Variants in GALNT13 observed in about 807,000 individuals in gnomAD.
GALNT13 encodes UDP-GalNAc:polypeptide N-acetylgalactosaminyltransferase 13.
In GALNT13, 28 loss-of-function variants were observed where a neutral mutation model predicts 64.2. That is an observed-to-expected ratio of 0.44 (90% CI 0.32 to 0.60). GALNT13 has a LOEUF of 0.60. GALNT13 is among the 20% of genes least tolerant of loss of function. The pLI, the probability that GALNT13 is intolerant of heterozygous loss-of-function variation, is 0.05. For synonymous variants in GALNT13, 214 were observed against 224.6 expected (o/e 0.95, Z 0.42); for missense variants, 577 against 669.8 (o/e 0.86, Z 1.53).
At chr2:153,145,453 C>T in the GALNT13 span, among the ~76,000 whole-genome samples, 1 of 152,078 alleles carries the variant, frequency 6.6e-6, no homozygotes, top group East Asian at 1.9e-4. Context: ...AGTTGGATTT[C>T]ATTTCAAAGG....
At chr2:153,705,861 A>G in the GALNT13 span, among the ~76,000 whole-genome samples, 1 of 152,208 alleles carries the variant, frequency 6.6e-6, no homozygotes, top group Non-Finnish European at 1.5e-5. Context: ...TATGCAGGTA[A>G]CAATAGCAGG....
At chr2:154,087,704 A>G (rs1224750119) in intron 3 of GALNT13, among the ~76,000 whole-genome samples, 8 of 152,102 alleles carry the variant, frequency 5.3e-5, no homozygotes, top group African/African-American at 2.4e-5. Flanking sequence ...CATTCAAGCA[A>G]TGATGTCATT....
the GALNT13 span, among the ~76,000 whole-genome samples, chr2:153,393,306 G>A: frequency 3.3e-5 from 5 of 150,322 alleles, no homozygotes; most frequent in Non-Finnish European, 7.4e-5. Context: ...TAGATGCCAT[G>A]GCAAAACAGC....
At chr2:154,310,249 G>A (rs760104345) in intron 9 of GALNT13, among the ~76,000 whole-genome samples, 73 of 152,038 alleles carry the variant, frequency 4.8e-4, no homozygotes, top group Non-Finnish European at 1.0e-3. Flanking sequence ...GTGAATAAAA[G>A]GACTATATCT....
At chr2:153,477,503 C>G in the GALNT13 span, 1 of 152,444 alleles carries the variant, frequency 6.6e-6, no homozygotes, top group Non-Finnish European at 1.5e-5. Context: ...GAACGCTAGA[C>G]GCCTCCCAAA....
intron 9 of GALNT13, among the ~76,000 whole-genome samples, chr2:154,313,807 G>A (rs912649641): frequency 6.6e-6 from 1 of 152,000 alleles, no homozygotes; most frequent in African/African-American, 2.4e-5. Context: ...CAGATACCAT[G>A]ATCATTTATA....
the GALNT13 span, among the ~76,000 whole-genome samples, chr2:153,731,215 A>C: frequency 6.6e-6 from 1 of 151,858 alleles, no homozygotes; most frequent in Admixed American, 6.6e-5. Context: ...AGCAACATGG[A>C]TGAAACTGGA....
At chr2:154,265,013 T>G (rs776218478) in intron 8 of GALNT13, among the ~76,000 whole-genome samples, 197 of 151,012 alleles carry the variant, frequency 1.3e-3, no homozygotes, top group Middle Eastern at 3.2e-3. Flanking sequence ...AAACCAAAAT[T>G]TGTTTCCTTG....
intron 4 of GALNT13, among the ~76,000 whole-genome samples, chr2:154,145,082 ATCTATCTATCTATCTATC>A (rs1558984479): frequency 2.8e-5 from 3 of 105,342 alleles, no homozygotes; most frequent in African/African-American, 9.2e-5. Context: ...CTATCTATCT[ATCTATCTATCTATCTATC>A]TATATATATA....
the GALNT13 span, among the ~76,000 whole-genome samples, chr2:153,093,043 G>A: frequency 6.7e-6 from 1 of 148,358 alleles, no homozygotes; most frequent in Non-Finnish European, 1.5e-5. Context: ...AGTTTTTGAG[G>A]TTTTTTTTTT....
intron 4 of GALNT13, chr2:154,236,118 T>A: frequency 8.8e-7 from 1 of 1,139,778 alleles, no homozygotes; most frequent in Admixed American, 3.7e-5. Flanking sequence ...TGGAGAAGAC[T>A]TTCTGACTTT....
intron 9 of GALNT13, among the ~76,000 whole-genome samples, chr2:154,391,327 A>G (rs1175195695): frequency 6.6e-6 from 1 of 152,214 alleles, no homozygotes; most frequent in Non-Finnish European, 1.5e-5. Flanking sequence ...TAAGGAATTG[A>G]AATAGAATGC....
At chr2:154,334,721 A>C (rs940264885) in intron 9 of GALNT13, among the ~76,000 whole-genome samples, 1 of 151,988 alleles carries the variant, frequency 6.6e-6, no homozygotes, top group African/African-American at 2.4e-5. Context: ...GGTTTGGGCA[A>C]TCAACATTGA....
At chr2:153,635,448 ATATATGTATATGTG>A in the GALNT13 span, among the ~76,000 whole-genome samples, 1 of 148,304 alleles carries the variant, frequency 6.7e-6, no homozygotes. Context: ...ATACACACAT[ATATATGTATATGTG>A]TATACGTTTG....
At chr2:153,945,637 C>G (rs967318231) in intron 3 of GALNT13, among the ~76,000 whole-genome samples, 4 of 151,926 alleles carry the variant, frequency 2.6e-5, no homozygotes, top group Non-Finnish European at 5.9e-5. Flanking sequence ...ATTTATTGAA[C>G]AAAATATTTA....
chr2:153,458,684 T>C, the GALNT13 span, among the ~76,000 whole-genome samples: 3 of 152,208 alleles, frequency 2.0e-5, no homozygotes, highest in Admixed American at 2.0e-4. Context: ...TTGTATTCCC[T>C]AAGCCTATCT....
At chr2:153,265,286 T>C in the GALNT13 span, among the ~76,000 whole-genome samples, 2 of 152,124 alleles carry the variant, frequency 1.3e-5, no homozygotes, top group Non-Finnish European at 2.9e-5. Flanking sequence ...CAGCCTTTCA[T>C]GTTTATTTAG....
At chr2:153,478,768 C>T in the GALNT13 span, 1 of 556,080 alleles carries the variant, frequency 1.8e-6, no homozygotes, top group Non-Finnish European at 3.2e-6. Context: ...CTTCTAAAGC[C>T]GTCCGCTCCA....
At chr2:153,886,454 G>C (rs1687188213) in intron 1 of GALNT13, among the ~76,000 whole-genome samples, 1 of 150,930 alleles carries the variant, frequency 6.6e-6, no homozygotes, top group Non-Finnish European at 1.5e-5. Context: ...ATACTATGCA[G>C]CCATAAAAAG....
Sources: gnomAD v4.1 joint callset for allele counts (sites outside exome capture counted in the v4.1 genomes callset) on GRCh38, gnomAD v4.1.1 for gene constraint, MANE v1.5 for transcripts, NCBI Gene and HGNC (gene_info 2026-07-23, HGNC 2026-07-21) for gene names.